Variants in COMMD10 observed in about 807,000 individuals in gnomAD.
COMMD10 encodes the protein COMM domain containing 10, also known as COMM domain-containing protein 10.
Under a neutral mutation model 28.9 loss-of-function variants are expected in COMMD10, and 33 were observed. The ratio of observed to expected loss-of-function variants is 1.14; its 90% CI spans 0.87 to 1.53. COMMD10 has a LOEUF of 1.53. Ranked by LOEUF, COMMD10 falls within the 40% of genes most tolerant of loss-of-function variation. COMMD10 has a pLI of 0.00. For missense variants in COMMD10, 310 were observed against 233.4 expected, an observed-to-expected ratio of 1.33 and a Z score of -2.14; for synonymous variants, 110 against 81.7, an observed-to-expected ratio of 1.35 and a Z score of -1.87.
chr5:116,252,172 T>G (rs1244469027), intron 5 of COMMD10, among the ~76,000 whole-genome samples: 1 of 144,328 alleles, frequency 6.9e-6, no homozygotes, highest in Non-Finnish European at 1.5e-5. Context: ...TAAATTTGTT[T>G]GAGTTCATTG....
At chr5:116,109,316 G>A (rs1750962570) in intron 4 of COMMD10, among the ~76,000 whole-genome samples, 1 of 152,202 alleles carries the variant, frequency 6.6e-6, no homozygotes, top group African/African-American at 2.4e-5. Flanking sequence ...AGCACTATGG[G>A]CTCATGCCTG....
At chr5:116,136,031 G>A (rs1367915305) in intron 5 of COMMD10, among the ~76,000 whole-genome samples, 1 of 152,174 alleles carries the variant, frequency 6.6e-6, no homozygotes, top group African/African-American at 2.4e-5. Context: ...CTCAATAAAT[G>A]CTGGCTACTA....
intron 5 of COMMD10, among the ~76,000 whole-genome samples, chr5:116,138,784 C>T (rs1456862592): frequency 6.6e-6 from 1 of 151,618 alleles, no homozygotes; most frequent in Non-Finnish European, 1.5e-5. Flanking sequence ...AGTTTTCTGA[C>T]TTAGAGCTCT....
At chr5:116,177,720 G>C (rs976328796) in intron 5 of COMMD10, among the ~76,000 whole-genome samples, 1 of 151,960 alleles carries the variant, frequency 6.6e-6, no homozygotes, top group South Asian at 2.1e-4. Flanking sequence ...CTTTGCGTCT[G>C]GAAAAATCTA....
intron 5 of COMMD10, among the ~76,000 whole-genome samples, chr5:116,237,545 C>T (rs749692836): frequency 3.0e-4 from 45 of 151,910 alleles, no homozygotes; most frequent in Non-Finnish European, 5.4e-4. Context: ...CGCAATGGCA[C>T]ATGCTATATA....
At chr5:116,247,667 T>C (rs1747688262) in intron 5 of COMMD10, among the ~76,000 whole-genome samples, 1 of 151,996 alleles carries the variant, frequency 6.6e-6, no homozygotes, top group South Asian at 2.1e-4. Flanking sequence ...TGCAGGGACA[T>C]GGATGGAGCT....
At chr5:116,165,603 T>G (rs1337913550) in intron 5 of COMMD10, among the ~76,000 whole-genome samples, 10 of 151,790 alleles carry the variant, frequency 6.6e-5, no homozygotes, top group African/African-American at 2.4e-4. Context: ...TGTGTGTGTG[T>G]GTGGGTGTAT....
At chr5:116,145,341 A>G (rs1752312903) in intron 5 of COMMD10, among the ~76,000 whole-genome samples, 1 of 151,752 alleles carries the variant, frequency 6.6e-6, no homozygotes, top group African/African-American at 2.4e-5. Context: ...TCTATTTTTA[A>G]TTGCTCAGGT....
At chr5:116,104,254 C>T (rs982649338) in intron 4 of COMMD10, among the ~76,000 whole-genome samples, 12 of 152,266 alleles carry the variant, frequency 7.9e-5, no homozygotes, top group East Asian at 5.8e-4. Context: ...GCCATTTTCA[C>T]GATATTGATT....
chr5:116,160,599 C>A, intron 5 of COMMD10, among the ~76,000 whole-genome samples: 1 of 151,728 alleles, frequency 6.6e-6, no homozygotes, highest in East Asian at 1.9e-4. Flanking sequence ...GAAGAAAAAG[C>A]CTAAGGAAGA....
intron 4 of COMMD10, among the ~76,000 whole-genome samples, chr5:116,122,425 A>G (rs1023664164): frequency 2.0e-5 from 3 of 152,212 alleles, no homozygotes; most frequent in African/African-American, 7.2e-5. Flanking sequence ...TGATGCCTCC[A>G]GCTTTGTTCT....
At chr5:116,118,052 T>C (rs1390796808) in intron 4 of COMMD10, among the ~76,000 whole-genome samples, 1 of 152,166 alleles carries the variant, frequency 6.6e-6, no homozygotes, top group African/African-American at 2.4e-5. Context: ...CAACCTACAT[T>C]GTTGACCATC....
chr5:116,130,314 A>G (rs914214212), intron 4 of COMMD10, among the ~76,000 whole-genome samples: 6 of 151,954 alleles, frequency 3.9e-5, no homozygotes, highest in African/African-American at 1.4e-4. Context: ...GCAAGCAAAT[A>G]AATACTATAT....
At chr5:116,239,806 T>A (rs992900363) in intron 5 of COMMD10, among the ~76,000 whole-genome samples, 3 of 152,156 alleles carry the variant, frequency 2.0e-5, no homozygotes, top group African/African-American at 7.2e-5. Flanking sequence ...TCTCGCAGAG[T>A]TTACAGCTAC....
chr5:116,197,140 C>A (rs1234427751), intron 5 of COMMD10, among the ~76,000 whole-genome samples: 1 of 152,064 alleles, frequency 6.6e-6, no homozygotes, highest in Non-Finnish European at 1.5e-5. Context: ...GTTGCCTCAT[C>A]AAATTTTGCA....
rs1750058486 is a variant in COMMD10 at position 116,085,353 on chromosome 5, T to G, written c.41+260T>G. ...GAGGTCTGTACGGAAGCGTGTGGTC[T>G]GCAAGCGTGGGGTCTGCGTCACTGT... On this transcript the variant is annotated intron_variant, in intron 1 of 6. Transcript: ENST00000274458. The G allele has an allele frequency of 1.7e-5, 8 of 472,622 alleles. No individual in the cohort carries two copies. The East Asian group carries it at 2.9e-4, about 17-fold the overall frequency. The allele number at this position is 472,622 out of a possible 1,614,324, so 29.3% of individuals were successfully genotyped here.
rs758447527 is a variant in COMMD10 at position 116,291,522 on chromosome 5, G to T, written c.516G>T (p.Leu172=). The change falls in exon 6 of 7, where the codon CTG becomes CTT. Residue 172 remains leucine, a synonymous_variant. Coordinates refer to ENST00000274458, the MANE Select transcript of COMMD10 (RefSeq NM_016144.4). ...LGVNNEDSKS[L]EKVLVEFSHK... ...GTTGTTTTTCTTCCTTACAGAGCCT[G>T]GAGAAAGTTCTTGTGGAATTCAGTC... 1.3e-5 allele frequency: 21 copies of T among 1,599,472 alleles called. No homozygotes were observed. The highest frequency in any genetic ancestry group is 1.7e-5 in the Non-Finnish European group (20 of 1,171,262).
At chr5:116,276,671 A>G (rs557676311) in intron 5 of COMMD10, among the ~76,000 whole-genome samples, 2 of 152,020 alleles carry the variant, frequency 1.3e-5, no homozygotes, top group Admixed American at 6.6e-5. Flanking sequence ...ATTAAGATAC[A>G]AGCCTTGCTA....
intron 4 of COMMD10, among the ~76,000 whole-genome samples, chr5:116,113,761 A>G (rs1426783936): frequency 6.6e-6 from 1 of 152,084 alleles, no homozygotes; most frequent in Non-Finnish European, 1.5e-5. Flanking sequence ...AAATCAAAAT[A>G]TTGAATTCTT....
Sources: gnomAD v4.1 joint callset for allele counts (sites outside exome capture counted in the v4.1 genomes callset) on GRCh38, gnomAD v4.1.1 for gene constraint, MANE v1.5 for transcripts, NCBI Gene and HGNC (gene_info 2026-07-23, HGNC 2026-07-21) for gene names.